The following SNAP25 variants were observed in gnomAD, a reference collection of about 807,000 sequenced individuals.
SNAP25 encodes synaptosomal-associated protein 25.
A neutral mutation model predicts 28.7 loss-of-function variants in SNAP25; 3 were observed. That is an observed-to-expected ratio of 0.10 (90% CI 0.05 to 0.27). The LOEUF is 0.27. SNAP25 is among the 10% of genes least tolerant of loss of function. The pLI is 1.00. For synonymous variants in SNAP25, 61 were observed against 88.1 expected, an observed-to-expected ratio of 0.69 and a Z score of 1.72; for missense variants, 117 against 278.7, an observed-to-expected ratio of 0.42 and a Z score of 4.13.
chr20:10,296,855 A>G (rs2064123100), intron 5 of SNAP25, 70 bp from the exon 6 acceptor site: 2 of 1,604,612 alleles, frequency 1.2e-6, no homozygotes, highest in Non-Finnish European at 1.7e-6. Flanking sequence ...CTTCGCTTGA[A>G]GAAGTGACAA....
chr20:10,228,012 C>T (rs1395832880), intron 1 of SNAP25, among the ~76,000 whole-genome samples: 2 of 152,088 alleles, frequency 1.3e-5, no homozygotes, highest in African/African-American at 4.8e-5. Context: ...CTCAAATAGT[C>T]AGTGTCCTCT....
intron 1 of SNAP25, among the ~76,000 whole-genome samples, chr20:10,251,770 A>G (rs1202174731): frequency 6.6e-6 from 1 of 152,200 alleles, no homozygotes; most frequent in African/African-American, 2.4e-5. Flanking sequence ...GGTTCTAGGT[A>G]AATGAACTAC....
At chr20:10,262,191 G>A (rs2063424711) in intron 1 of SNAP25, among the ~76,000 whole-genome samples, 1 of 152,140 alleles carries the variant, frequency 6.6e-6, no homozygotes, top group South Asian at 2.1e-4. Context: ...AAAAAGACAG[G>A]CTACATTGGC....
At chr20:10,276,659 A>G (rs748787587) in intron 2 of SNAP25, among the ~76,000 whole-genome samples, 2 of 152,214 alleles carry the variant, frequency 1.3e-5, no homozygotes, top group Non-Finnish European at 2.9e-5. Context: ...GGTTCATCAC[A>G]TGGTTAGCTG....
intron 6 of SNAP25, among the ~76,000 whole-genome samples, chr20:10,297,329 G>T (rs1008217905): frequency 6.6e-6 from 1 of 152,142 alleles, no homozygotes; most frequent in Non-Finnish European, 1.5e-5. Flanking sequence ...TTACATGGTG[G>T]TAGCAGTATT....
rs1179407375 is a variant in SNAP25, at chr20:10,280,463, G to A, written c.114+2737G>A. On this transcript the variant is annotated intron_variant, in intron 3 of 7. Transcript: ENST00000254976. ...TGCCTAACTCCGGGATAGGAAGGGAGATGTAAATTGGTATCTTGCTGGGAA... is the reference window on the plus strand; with the variant it reads ...TGCCTAACTCCGGGATAGGAAGGGAAATGTAAATTGGTATCTTGCTGGGAA... Among the ~76,000 whole-genome samples the A allele has an allele frequency of 1.3e-5, 2 of 152,196 alleles. 1 individual carries two copies. Among genetic ancestry groups the A allele is most frequent in the Non-Finnish European group, 2.9e-5 (2 of 68,036 alleles).
intron 1 of SNAP25, among the ~76,000 whole-genome samples, chr20:10,232,421 T>C (rs545631296): frequency 1.9e-4 from 29 of 152,356 alleles, no homozygotes; most frequent in Non-Finnish European, 3.4e-4. Flanking sequence ...TAAGCCATCT[T>C]TCCTTATTTT....
chr20:10,243,377 T>C (rs1313037615), intron 1 of SNAP25, among the ~76,000 whole-genome samples: 1 of 152,220 alleles, frequency 6.6e-6, no homozygotes, highest in African/African-American at 2.4e-5. Context: ...TTAATCGACC[T>C]CCAGACTTCA....
rs569515249 is a variant in SNAP25, at chr20:10,299,146, G to A, written c.408-122G>A. On this transcript the variant is annotated intron_variant, in intron 6 of 7. Coordinates refer to ENST00000254976, the MANE Select transcript of SNAP25 (RefSeq NM_130811.4). Reference sequence around the variant, plus strand: ...GCTAAAATGTGTTTTTGTACTGGATGGAGATTAAAGATAGATAAAGTTGAT... The same window carrying A: ...GCTAAAATGTGTTTTTGTACTGGATAGAGATTAAAGATAGATAAAGTTGAT... The A allele has an allele frequency of 4.0e-5, 44 of 1,107,840 alleles. No homozygotes were observed. The African/African-American group carries it at 6.8e-4, about 17-fold the overall frequency. The allele number at this position is 1,107,840 out of a possible 1,614,324, so 68.6% of individuals were successfully genotyped here. A position where few individuals can be genotyped will look rare whatever the true frequency, so the allele number is the denominator to read the frequency against.
At chr20:10,248,182 G>C (rs1401321647) in intron 1 of SNAP25, among the ~76,000 whole-genome samples, 1 of 152,220 alleles carries the variant, frequency 6.6e-6, no homozygotes, top group Non-Finnish European at 1.5e-5. Context: ...AAACACACAT[G>C]TGTGCACAGA....
At chr20:10,263,794 T>TC in intron 1 of SNAP25, among the ~76,000 whole-genome samples, 1 of 152,268 alleles carries the variant, frequency 6.6e-6, no homozygotes, top group East Asian at 1.9e-4. Flanking sequence ...GGTTCTCCAC[T>TC]CCAGCTTCAG....
At chr20:10,252,531 T>A (rs1158537970) in intron 1 of SNAP25, among the ~76,000 whole-genome samples, 2 of 152,232 alleles carry the variant, frequency 1.3e-5, no homozygotes, top group Non-Finnish European at 2.9e-5. Flanking sequence ...GTGATTGACA[T>A]GTTTATTACT....
intron 7 of SNAP25, 134 bp downstream of exon 7, chr20:10,299,546 C>CAT: frequency 1.1e-6 from 1 of 920,040 alleles, no homozygotes; most frequent in Non-Finnish European, 1.6e-6. Flanking sequence ...AAATGTTCTT[C>CAT]ATTTTCCAAG....
chr20:10,234,257 T>C (rs1199711815), intron 1 of SNAP25, among the ~76,000 whole-genome samples: 1 of 152,140 alleles, frequency 6.6e-6, no homozygotes, highest in African/African-American at 2.4e-5. Context: ...TTTGCAGATA[T>C]GAAAACTGGG....
intron 1 of SNAP25, among the ~76,000 whole-genome samples, chr20:10,249,088 CA>C (rs2063179680): frequency 6.6e-6 from 1 of 152,212 alleles, no homozygotes; most frequent in Non-Finnish European, 1.5e-5. Flanking sequence ...TCATGGAAAA[CA>C]ATAACAGCCA....
chr20:10,269,547 A>G (rs1253666058), intron 1 of SNAP25, among the ~76,000 whole-genome samples: 4 of 152,248 alleles, frequency 2.6e-5, no homozygotes, highest in Non-Finnish European at 5.9e-5. Flanking sequence ...CTCTGGGGAT[A>G]TTAAGATTGA....
intron 1 of SNAP25, among the ~76,000 whole-genome samples, chr20:10,240,355 A>G (rs918271012): frequency 6.6e-6 from 1 of 152,062 alleles, no homozygotes; most frequent in Non-Finnish European, 1.5e-5. Flanking sequence ...CTCCTTTTTT[A>G]CTTATCTCAA....
chr20:10,277,744 T>G lies in SNAP25; in HGVS notation c.114+18T>G, dbSNP rs200107809. 6.2e-7 allele frequency: 1 copy of G among 1,611,894 alleles called. No individual in the cohort carries two copies. The highest frequency in any genetic ancestry group is 8.5e-7 in the Non-Finnish European group (1 of 1,178,290). On this transcript the variant is annotated intron_variant, in intron 3 of 7. Transcript: ENST00000254976. ...TTGAAGAGGTAAGAAGTGACAGTATTTTAAGATAAAGGAACAAATCCCTTA... is the reference window on the plus strand; with the variant it reads ...TTGAAGAGGTAAGAAGTGACAGTATGTTAAGATAAAGGAACAAATCCCTTA...
chr20:10,268,779 C>T (rs971382285), intron 1 of SNAP25, among the ~76,000 whole-genome samples: 2 of 152,116 alleles, frequency 1.3e-5, no homozygotes, highest in Admixed American at 6.5e-5. Context: ...GAATAAAGAG[C>T]TTTTCAAATT....
Sources: gnomAD v4.1 joint callset for allele counts (sites outside exome capture counted in the v4.1 genomes callset) on GRCh38, gnomAD v4.1.1 for gene constraint, MANE v1.5 for transcripts, NCBI Gene and HGNC (gene_info 2026-07-23, HGNC 2026-07-21) for gene names.